FHL2: variants seen among roughly 807,000 people sequenced by gnomAD.
The protein encoded by FHL2 is four and a half LIM domains 2.
FHL2 carries 20 observed loss-of-function variants against 32.7 expected under a neutral mutation model. The ratio of observed to expected loss-of-function variants is 0.61; its 90% CI spans 0.43 to 0.89. FHL2 has a LOEUF of 0.89. FHL2 is among the 40% of genes least tolerant of loss of function. FHL2 has a pLI of 0.00. For missense variants in FHL2, 311 were observed against 358.6 expected (o/e 0.87, Z 1.07); for synonymous variants, 123 against 128.1 (o/e 0.96, Z 0.27).
chr2:105,406,407 T>A (rs571180221), intron 1 of FHL2, among the ~76,000 whole-genome samples: 1 of 151,954 alleles, frequency 6.6e-6, no homozygotes, highest in Non-Finnish European at 1.5e-5. Flanking sequence ...CCATCAGATA[T>A]CTGAACTATT....
chr2:105,405,187 C>G (rs1217840850), intron 1 of FHL2, among the ~76,000 whole-genome samples: 1 of 152,174 alleles, frequency 6.6e-6, no homozygotes, highest in African/African-American at 2.4e-5. Flanking sequence ...CAGGAGCAAT[C>G]CATTCACTTC....
intron 1 of FHL2, among the ~76,000 whole-genome samples, chr2:105,428,438 C>G (rs1182366711): frequency 6.6e-6 from 1 of 152,244 alleles, no homozygotes; most frequent in Non-Finnish European, 1.5e-5. Context: ...CTTGCTCCCT[C>G]CCTGGTGGAT....
chr2:105,417,697 A>G (rs1229531551), intron 1 of FHL2, among the ~76,000 whole-genome samples: 6 of 151,844 alleles, frequency 4.0e-5, no homozygotes, highest in African/African-American at 7.3e-5. Context: ...AAAAAAAAAA[A>G]AAAAAAAGAA....
chr2:105,435,498 C>T (rs990727057), intron 1 of FHL2, among the ~76,000 whole-genome samples: 7 of 152,164 alleles, frequency 4.6e-5, no homozygotes, highest in Non-Finnish European at 5.9e-5. Context: ...TTCTACTTAA[C>T]GTGAAAGTAG....
At chr2:105,395,818 C>T (rs527890722) in intron 2 of FHL2, among the ~76,000 whole-genome samples, 2 of 152,298 alleles carry the variant, frequency 1.3e-5, no homozygotes, top group Admixed American at 6.5e-5. Flanking sequence ...GACCATATGA[C>T]GGGAGGATCT....
intron 5 of FHL2, among the ~76,000 whole-genome samples, chr2:105,365,585 A>C (rs1210669572): frequency 6.6e-6 from 1 of 152,044 alleles, no homozygotes; most frequent in South Asian, 2.1e-4. Context: ...CTAAAATAAA[A>C]GCAGGAATGA....
intron 1 of FHL2, among the ~76,000 whole-genome samples, chr2:105,410,564 G>A (rs1168866835): frequency 6.6e-6 from 1 of 152,190 alleles, no homozygotes; most frequent in Admixed American, 6.5e-5. Flanking sequence ...GCCTTTTGAA[G>A]TCTAAAGTTT....
intron 5 of FHL2, among the ~76,000 whole-genome samples, chr2:105,366,611 AC>A (rs1304452067): frequency 6.6e-6 from 1 of 152,142 alleles, no homozygotes; most frequent in African/African-American, 2.4e-5. Flanking sequence ...ACTAAGCTAC[AC>A]CCTGAAGGGT....
upstream of FHL2, among the ~76,000 whole-genome samples, chr2:105,401,445 T>C (rs1484361869): frequency 1.3e-5 from 2 of 152,238 alleles, no homozygotes; most frequent in Non-Finnish European, 1.5e-5. Flanking sequence ...CTGTCTCCTT[T>C]TGTAATGCTT....
At chr2:105,378,912 G>A (rs997094703) in intron 3 of FHL2, 2 of 152,224 alleles carry the variant, frequency 1.3e-5, no homozygotes, top group African/African-American at 4.8e-5. Flanking sequence ...GCAGTACAGG[G>A]TGGTGGGCTT....
chr2:105,370,729 A>G (rs2104519980), intron 4 of FHL2, among the ~76,000 whole-genome samples: 1 of 152,272 alleles, frequency 6.6e-6, no homozygotes, highest in East Asian at 1.9e-4. Context: ...GCTTTGATTC[A>G]GTGTTTTGTC....
chr2:105,414,458 G>A (rs1023442377), intron 1 of FHL2, among the ~76,000 whole-genome samples: 9 of 152,076 alleles, frequency 5.9e-5, no homozygotes, highest in Admixed American at 3.3e-4. Flanking sequence ...CCATCCTGAA[G>A]CTAGCTAGGA....
intron 4 of FHL2, among the ~76,000 whole-genome samples, chr2:105,369,126 T>C (rs893461672): frequency 6.6e-6 from 1 of 152,212 alleles, no homozygotes; most frequent in Admixed American, 6.5e-5. Context: ...AGGAAAAATG[T>C]TGCCAATCCC....
chr2:105,430,052 C>T (rs1684382136), intron 1 of FHL2, among the ~76,000 whole-genome samples: 1 of 152,168 alleles, frequency 6.6e-6, no homozygotes, highest in African/African-American at 2.4e-5. Context: ...GCCCTGGCAA[C>T]CTGACTCGTC....
At chr2:105,396,538 T>A in intron 2 of FHL2, 109 bp downstream of exon 2, 1 of 929,740 alleles carries the variant, frequency 1.1e-6, no homozygotes, top group Non-Finnish European at 1.7e-6. Context: ...TATGACTGAA[T>A]GTTTGGGCAC....
At chr2:105,401,700 G>A (rs1210171195), upstream of FHL2, among the ~76,000 whole-genome samples, 4 of 152,080 alleles carry the variant, frequency 2.6e-5, no homozygotes, top group African/African-American at 7.2e-5. Flanking sequence ...TTACATATGC[G>A]GCTGTTAAAA....
At chr2:105,431,741 G>A (rs998811770) in intron 1 of FHL2, among the ~76,000 whole-genome samples, 1 of 152,240 alleles carries the variant, frequency 6.6e-6, no homozygotes, top group Non-Finnish European at 1.5e-5. Flanking sequence ...TTACAAATAT[G>A]ATCGCAAATT....
At chr2:105,426,433 A>G (rs1209299974) in intron 1 of FHL2, among the ~76,000 whole-genome samples, 1 of 152,228 alleles carries the variant, frequency 6.6e-6, no homozygotes, top group Non-Finnish European at 1.5e-5. Flanking sequence ...GAATGGAAAC[A>G]GCATGGTCTA....
chr2:105,372,064 T>C (rs1681116852), intron 4 of FHL2, among the ~76,000 whole-genome samples: 1 of 152,190 alleles, frequency 6.6e-6, no homozygotes, highest in Non-Finnish European at 1.5e-5. Context: ...CCAACAGGGC[T>C]GGGACTGTGT....
Sources: gnomAD v4.1 joint callset for allele counts (sites outside exome capture counted in the v4.1 genomes callset) on GRCh38, gnomAD v4.1.1 for gene constraint, MANE v1.5 for transcripts, NCBI Gene and HGNC (gene_info 2026-07-23, HGNC 2026-07-21) for gene names.